The following TAX1BP1 variants were observed in gnomAD, a reference collection of about 807,000 sequenced individuals.
The protein encoded by TAX1BP1 is tax1-binding protein 1.
Under a neutral mutation model 97.7 loss-of-function variants are expected in TAX1BP1, and 62 were observed. The observed-to-expected ratio is 0.63, with a 90% CI of 0.52 to 0.78. The LOEUF (loss-of-function observed/expected upper bound fraction) is 0.78, where lower values mean the gene tolerates loss of function less well. Among genes scored for constraint, TAX1BP1 ranks in the 30% least tolerant of loss-of-function variants. TAX1BP1 has a pLI of 0.00. For synonymous variants in TAX1BP1, 340 were observed against 304.2 expected, an observed-to-expected ratio of 1.12 and a Z score of -1.23; for missense variants, 867 against 916.1, an observed-to-expected ratio of 0.95 and a Z score of 0.69.
At chr7:27,743,145 C>T (rs533147844) in intron 1 of TAX1BP1, among the ~76,000 whole-genome samples, 7 of 152,116 alleles carry the variant, frequency 4.6e-5, no homozygotes, top group African/African-American at 9.6e-5. Context: ...AAAAGTGGTG[C>T]GGGTGATACC....
At chr7:27,789,761 A>G (rs1348402680) in intron 8 of TAX1BP1, among the ~76,000 whole-genome samples, 1 of 152,010 alleles carries the variant, frequency 6.6e-6, no homozygotes, top group Non-Finnish European at 1.5e-5. Flanking sequence ...GACATAGTTA[A>G]TGTAATACCT....
At position 27,829,348 on chromosome 7, in the gene TAX1BP1, C is replaced by A. The variant is rs1782610633; in HGVS notation, c.*519C>A. The A allele has an allele frequency of 6.6e-6, 1 of 152,166 alleles. No homozygotes were observed. Among genetic ancestry groups the A allele is most frequent in the Non-Finnish European group, 1.5e-5 (1 of 68,044 alleles). 9.4% of individuals were successfully genotyped at this position (152,166 alleles called of 1,614,324 possible). On this transcript the variant is annotated 3_prime_UTR_variant, in exon 17 of 17. Coordinates refer to ENST00000396319, the MANE Select transcript of TAX1BP1 (RefSeq NM_006024.7). Reference sequence around the variant, plus strand: ...TTTTTAATTTTCAGAAATGGAGCTGCATGTAGAATGAGATCACATGCTTTT... The same window carrying A: ...TTTTTAATTTTCAGAAATGGAGCTGAATGTAGAATGAGATCACATGCTTTT...
intron 2 of TAX1BP1, 125 bp downstream of exon 2, chr7:27,748,811 G>T (rs553903633): frequency 3.0e-4 from 198 of 656,362 alleles, no homozygotes; most frequent in South Asian, 8.3e-4. Flanking sequence ...ACATCACCAT[G>T]AAATATTTAA....
chr7:27,792,765 C>G (rs1350699106), intron 9 of TAX1BP1, among the ~76,000 whole-genome samples: 2 of 151,962 alleles, frequency 1.3e-5, no homozygotes, highest in Non-Finnish European at 2.9e-5. Context: ...AATTCAAGAC[C>G]AGCCCGGGCA....
chr7:27,771,253 CTTT>C (rs111798171), intron 5 of TAX1BP1, among the ~76,000 whole-genome samples: 2 of 133,554 alleles, frequency 1.5e-5, no homozygotes, highest in Admixed American at 7.6e-5. Context: ...TAATGTCAAT[CTTT>C]TTTTTTTTTT....
chr7:27,824,516 T>G (rs1298125497), intron 15 of TAX1BP1, among the ~76,000 whole-genome samples: 9 of 131,936 alleles, frequency 6.8e-5, no homozygotes. Flanking sequence ...ATCGTGCCAC[T>G]GCACTCCTGG....
At chr7:27,750,837 A>G (rs1282499536) in intron 2 of TAX1BP1, among the ~76,000 whole-genome samples, 1 of 152,174 alleles carries the variant, frequency 6.6e-6, no homozygotes, top group Non-Finnish European at 1.5e-5. Flanking sequence ...TAAATCCTTA[A>G]TATCACTAGT....
intron 12 of TAX1BP1, among the ~76,000 whole-genome samples, chr7:27,796,987 T>G (rs952572637): frequency 7.3e-5 from 11 of 151,446 alleles, no homozygotes; most frequent in Non-Finnish European, 1.3e-4. Flanking sequence ...TTATTTTGAT[T>G]ATTATTATTT....
chr7:27,766,254 A>G (rs1285551232), intron 4 of TAX1BP1, among the ~76,000 whole-genome samples: 1 of 151,876 alleles, frequency 6.6e-6, no homozygotes, highest in Non-Finnish European at 1.5e-5. Flanking sequence ...CTCTGTCTCT[A>G]CTAAGAATAC....
In TAX1BP1 at chr7:27,794,450, A is replaced by G. The variant is rs761046156; in HGVS notation, c.1534+4A>G. 3.7e-6 allele frequency: 6 copies of G among 1,600,616 alleles called. No individual in the cohort carries two copies. The South Asian group carries it at 6.8e-5, about 18-fold the overall frequency. ...GTAAAGCCATCACCTTCTGCAGGTA[A>G]AAATCTTTTAGACTTTTTGTGTAGG... On this transcript the variant is annotated splice_donor_region_variant and intron_variant, in intron 11 of 16. Coordinates refer to ENST00000396319, the MANE Select transcript of TAX1BP1 (RefSeq NM_006024.7).
rs556079337 is a variant in TAX1BP1 at position 27,741,625 on chromosome 7, T to A, written c.-8+1356T>A. Among the ~76,000 whole-genome samples the A allele has an allele frequency of 3.2e-3, 480 of 152,072 alleles. 2 individuals are homozygous for A. Among genetic ancestry groups the A allele is most frequent in the African/African-American group, 0.011 (456 of 41,480 alleles). On this transcript the variant is annotated intron_variant, in intron 1 of 16. Transcript: ENST00000396319. ...AAGCGATTCTCCTGCCTCAGCCTCCTGAGTACCTGGGATTACAGGCGCGCA... is the reference window on the plus strand; with the variant it reads ...AAGCGATTCTCCTGCCTCAGCCTCCAGAGTACCTGGGATTACAGGCGCGCA...
intron 10 of TAX1BP1, among the ~76,000 whole-genome samples, chr7:27,794,085 T>A (rs188511427): frequency 0.023 from 3,479 of 152,296 alleles, 123 homozygotes; most frequent in African/African-American, 0.078. Flanking sequence ...TTGGTGGTCT[T>A]TTGATGAGTT....
intron 1 of TAX1BP1, among the ~76,000 whole-genome samples, chr7:27,741,022 G>C (rs1787574184): frequency 6.6e-6 from 1 of 152,260 alleles, no homozygotes; most frequent in South Asian, 2.1e-4. Flanking sequence ...GCGTGCGTCT[G>C]TGTGGGTGTG....
chr7:27,752,716 C>T (rs914957694), intron 2 of TAX1BP1, among the ~76,000 whole-genome samples: 3 of 152,142 alleles, frequency 2.0e-5, no homozygotes, highest in Non-Finnish European at 4.4e-5. Flanking sequence ...AAACATTTAA[C>T]ATGTTGGGAA....
intron 10 of TAX1BP1, among the ~76,000 whole-genome samples, chr7:27,793,437 A>C: frequency 6.6e-6 from 1 of 152,168 alleles, no homozygotes; most frequent in East Asian, 1.9e-4. Flanking sequence ...GAAAAAACAG[A>C]AAAAAGTCTT....
At chr7:27,769,440 C>G (rs1244192887) in intron 4 of TAX1BP1, among the ~76,000 whole-genome samples, 1 of 151,814 alleles carries the variant, frequency 6.6e-6, no homozygotes, top group Non-Finnish European at 1.5e-5. Flanking sequence ...TAATACAGTT[C>G]TCTCATTTTG....
chr7:27,828,721 G>A lies in TAX1BP1; in HGVS notation c.2262G>A (p.Trp754Ter). The A allele has an allele frequency of 6.2e-7, 1 of 1,614,120 alleles. No homozygotes were observed. Reference protein sequence around the residue: ...SKFEEHVESHWKVCPMCSEQF... With the variant: ...SKFEEHVESH ...TTGAAGAACATGTTGAAAGTCACTG[G>A]AAGGTGTGCCCGATGTGCAGCGAGC... Residue 754 changes from tryptophan (W) to a stop codon, truncating the protein, a stop_gained, in exon 17 of 17, where the codon TGG becomes TGA. Coordinates refer to ENST00000396319, the MANE Select transcript of TAX1BP1 (RefSeq NM_006024.7). LOFTEE classifies it high-confidence loss of function.
intron 13 of TAX1BP1, among the ~76,000 whole-genome samples, chr7:27,802,480 T>A (rs1207190478): frequency 6.6e-6 from 1 of 152,250 alleles, no homozygotes; most frequent in African/African-American, 2.4e-5. Context: ...CCATTAATGC[T>A]TAAACTGTAA....
At chr7:27,771,097 A>ATTTTTTTTTTTTTTTTTTTTTT (rs57751582) in intron 5 of TAX1BP1, among the ~76,000 whole-genome samples, 2 of 40,568 alleles carry the variant, frequency 4.9e-5, no homozygotes, top group Non-Finnish European at 9.9e-5. Flanking sequence ...ACATTCAGCA[A>ATTTTTTTTTTTTTTTTTTTTTT]TTTTTTTTTT....
Sources: gnomAD v4.1 joint callset for allele counts (sites outside exome capture counted in the v4.1 genomes callset) on GRCh38, gnomAD v4.1.1 for gene constraint, MANE v1.5 for transcripts, NCBI Gene and HGNC (gene_info 2026-07-23, HGNC 2026-07-21) for gene names.